Variants in RHOBTB3 observed in about 807,000 individuals in gnomAD.
RHOBTB3 encodes rho-related BTB domain-containing protein 3.
In RHOBTB3, 47 loss-of-function variants were observed where a neutral mutation model predicts 67.2. That is an observed-to-expected ratio of 0.70 (90% CI 0.55 to 0.89). The LOEUF (loss-of-function observed/expected upper bound fraction) is 0.89. Ranked by LOEUF, RHOBTB3 falls within the 40% of genes least tolerant of loss-of-function variation. The pLI is 0.00. For missense variants in RHOBTB3, 631 were observed against 750.0 expected (o/e 0.84, Z 1.85); for synonymous variants, 273 against 274.2 (o/e 1.00, Z 0.04).
intron 8 of RHOBTB3, among the ~76,000 whole-genome samples, chr5:95,777,685 C>CCTT (rs1449653238): frequency 6.6e-6 from 1 of 152,192 alleles, no homozygotes. Flanking sequence ...TATTGTATTA[C>CCTT]AGTTTCACAA....
At chr5:95,747,603 G>T (rs1021946999) in intron 3 of RHOBTB3, among the ~76,000 whole-genome samples, 6 of 152,152 alleles carry the variant, frequency 3.9e-5, no homozygotes, top group Admixed American at 2.6e-4. Flanking sequence ...TAGATAGATT[G>T]TTCTACCACC....
intron 1 of RHOBTB3, among the ~76,000 whole-genome samples, chr5:95,717,947 G>A (rs1027677575): frequency 3.9e-5 from 6 of 152,034 alleles, no homozygotes; most frequent in East Asian, 1.9e-4. Context: ...TGTATATTTT[G>A]TAATTTAAAA....
At chr5:95,758,842 C>T (rs1247087230) in intron 6 of RHOBTB3, among the ~76,000 whole-genome samples, 3 of 152,200 alleles carry the variant, frequency 2.0e-5, no homozygotes, top group Non-Finnish European at 4.4e-5. Flanking sequence ...GATCTCTGGA[C>T]TGCCAGAAGC....
rs141549036 is a variant in RHOBTB3 at position 95,761,175 on chromosome 5, A to G, written c.1049-2333A>G. 5.1e-3 allele frequency among the ~76,000 whole-genome samples: 772 copies of G among 152,292 alleles called. 1 individual carries two copies. The highest frequency in any genetic ancestry group is 0.018 in the African/African-American group (743 of 41,566). Reference sequence around the variant, plus strand: ...TTAATATGCTTTTACTTAAATAACAATGTAACTTTTACATATATAAGTATG... The same window carrying G: ...TTAATATGCTTTTACTTAAATAACAGTGTAACTTTTACATATATAAGTATG... On this transcript the variant is annotated intron_variant, in intron 6 of 11. Coordinates refer to ENST00000379982, the MANE Select transcript of RHOBTB3 (RefSeq NM_014899.4).
intron 8 of RHOBTB3, chr5:95,769,297 A>G: frequency 2.1e-6 from 1 of 467,536 alleles, no homozygotes; most frequent in Admixed American, 2.1e-5. Flanking sequence ...CAGTAACACT[A>G]AGATGTTGCC....
chr5:95,773,856 G>A (rs1745791381), intron 8 of RHOBTB3, among the ~76,000 whole-genome samples: 1 of 152,178 alleles, frequency 6.6e-6, no homozygotes, highest in South Asian at 2.1e-4. Flanking sequence ...GCTTACCAGG[G>A]CCATTTCTCT....
intron 8 of RHOBTB3, 74 bp downstream of exon 8, chr5:95,768,240 T>G (rs1014159919): frequency 7.0e-7 from 1 of 1,424,088 alleles, no homozygotes; most frequent in African/African-American, 1.4e-5. Flanking sequence ...CTACTTCAGG[T>G]TTGAATGTTT....
At chr5:95,772,211 A>C (rs943805974) in intron 8 of RHOBTB3, among the ~76,000 whole-genome samples, 6 of 152,346 alleles carry the variant, frequency 3.9e-5, no homozygotes, top group Admixed American at 1.3e-4. Flanking sequence ...AGAATTGGTA[A>C]TCTGAAGGTT....
chr5:95,732,122 A>G, intron 2 of RHOBTB3, 38 bp downstream of exon 2: 1 of 1,593,818 alleles, frequency 6.3e-7, no homozygotes, highest in East Asian at 2.2e-5. Flanking sequence ...AGGCTGAAGA[A>G]GCTTTTCTTT....
At chr5:95,725,822 T>G (rs549019091) in intron 1 of RHOBTB3, among the ~76,000 whole-genome samples, 25 of 151,942 alleles carry the variant, frequency 1.6e-4, no homozygotes, top group Middle Eastern at 3.4e-3. Context: ...TTTTTTTTTT[T>G]GAATGTTTAG....
chr5:95,741,841 A>G (rs1409366261), intron 3 of RHOBTB3, among the ~76,000 whole-genome samples: 1 of 152,138 alleles, frequency 6.6e-6, no homozygotes, highest in African/African-American at 2.4e-5. Context: ...ATTGGTTGAT[A>G]TTCTTCTGTA....
chr5:95,719,620 C>T (rs1393971688), intron 1 of RHOBTB3: 2 of 152,144 alleles, frequency 1.3e-5, no homozygotes, highest in Non-Finnish European at 2.9e-5. Flanking sequence ...AACATATATA[C>T]ATTACATGCA....
chr5:95,722,435 GATA>G (rs990875486), intron 1 of RHOBTB3, among the ~76,000 whole-genome samples: 4 of 152,082 alleles, frequency 2.6e-5, no homozygotes, highest in Non-Finnish European at 1.5e-5. Context: ...AATGGTGCTT[GATA>G]ATAATACTTG....
At chr5:95,767,587 C>T (rs1412810262) in intron 7 of RHOBTB3, among the ~76,000 whole-genome samples, 1 of 152,160 alleles carries the variant, frequency 6.6e-6, no homozygotes, top group Non-Finnish European at 1.5e-5. Flanking sequence ...CCCACCTTGG[C>T]CTCCAAAGTG....
chr5:95,774,552 A>C lies in RHOBTB3; in HGVS notation c.1283-5700A>C, dbSNP rs574633211. ...AAATAACAGCTGCATTGAAGATTTA[A>C]TGTAAATATCTCACTCTGAAATTAG... is the stretch of plus-strand genomic sequence containing the variant. On this transcript the variant is annotated intron_variant, in intron 8 of 11. Coordinates refer to ENST00000379982, the MANE Select transcript of RHOBTB3 (RefSeq NM_014899.4). Among the ~76,000 whole-genome samples, 7 of 152,304 alleles carry C rather than the reference A, an allele frequency of 4.6e-5. No individual in the cohort carries two copies. The South Asian group carries it at 1.5e-3, about 32-fold the overall frequency.
At chr5:95,790,752 CT>C (rs1264823319) in intron 11 of RHOBTB3, among the ~76,000 whole-genome samples, 1 of 152,168 alleles carries the variant, frequency 6.6e-6, no homozygotes, top group Non-Finnish European at 1.5e-5. Flanking sequence ...AAAAAAGCGC[CT>C]TTTGGATAAG....
At chr5:95,752,991 G>A (rs530105381) in intron 5 of RHOBTB3, among the ~76,000 whole-genome samples, 18 of 152,246 alleles carry the variant, frequency 1.2e-4, no homozygotes, top group African/African-American at 4.1e-4. Context: ...AATTAGCCGG[G>A]TGAGGTGGCA....
intron 8 of RHOBTB3, among the ~76,000 whole-genome samples, chr5:95,768,572 A>G (rs1432651384): frequency 2.0e-5 from 3 of 152,128 alleles, no homozygotes; most frequent in African/African-American, 7.2e-5. Flanking sequence ...ATTTGAGCAA[A>G]AGGAATTGAC....
chr5:95,743,108 T>C lies in RHOBTB3; in HGVS notation c.416-5225T>C, dbSNP rs192179462. ...AATAAAAAATAAATAAAAAAAACTC[T>C]CAGGATAATTAATGATGCTTAATAA... On this transcript the variant is annotated intron_variant, in intron 3 of 11. Coordinates refer to ENST00000379982, the MANE Select transcript of RHOBTB3 (RefSeq NM_014899.4). Among the ~76,000 whole-genome samples the C allele has an allele frequency of 2.2e-4, 33 of 152,206 alleles. No individual in the cohort carries two copies. The East Asian group carries it at 4.8e-3, about 22-fold the overall frequency.
Sources: allele counts gnomAD v4.1 joint callset (sites outside exome capture counted in the v4.1 genomes callset), GRCh38; gene constraint gnomAD v4.1.1; transcripts MANE v1.5; gene names NCBI Gene and HGNC (gene_info 2026-07-23, HGNC 2026-07-21).